The following TRPC4AP variants were observed in gnomAD, a reference collection of about 807,000 sequenced individuals.
TRPC4AP encodes short transient receptor potential channel 4-associated protein.
A neutral mutation model predicts 99.0 loss-of-function variants in TRPC4AP; 45 were observed. That is an observed-to-expected ratio of 0.45 (90% CI 0.36 to 0.58). The LOEUF is 0.58. Among genes scored for constraint, TRPC4AP ranks in the 20% least tolerant of loss-of-function variants. The pLI, the probability that TRPC4AP is intolerant of heterozygous loss-of-function variation, is 0.00. For missense variants in TRPC4AP, 879 were observed against 985.3 expected, an observed-to-expected ratio of 0.89 and a Z score of 1.44; for synonymous variants, 408 against 385.8, an observed-to-expected ratio of 1.06 and a Z score of -0.67.
intron 17 of TRPC4AP, among the ~76,000 whole-genome samples, chr20:35,004,103 G>A (rs1376582174): frequency 1.3e-5 from 2 of 152,214 alleles, no homozygotes; most frequent in Non-Finnish European, 1.5e-5. Context: ...AGAAAAGAGG[G>A]GCAGGAGGCT....
intron 1 of TRPC4AP, 128 bp downstream of exon 1, chr20:35,092,486 G>T: frequency 8.7e-7 from 1 of 1,143,972 alleles, no homozygotes; most frequent in Non-Finnish European, 1.2e-6. Flanking sequence ...CAGCTCACAG[G>T]GAGGCCTTCC....
At chr20:35,068,165 AGTGAAT>A (rs2084194216) in intron 3 of TRPC4AP, among the ~76,000 whole-genome samples, 1 of 152,192 alleles carries the variant, frequency 6.6e-6, no homozygotes, top group Non-Finnish European at 1.5e-5. Context: ...GTAGTGCAAA[AGTGAAT>A]GTATTTTGTG....
At position 35,013,637 on chromosome 20, in the gene TRPC4AP, T is replaced by C. The variant is rs527627969; in HGVS notation, c.1351-571A>G. Among the ~76,000 whole-genome samples the C allele has an allele frequency of 7.9e-5, 12 of 151,968 alleles. 1 individual carries two copies. The South Asian group carries it at 1.9e-3, about 24-fold the overall frequency. ...TGTGGGGAGGAGCGGGGGAAGTCCA[T>C]AGGAGTTAGAAATGAAGAAAGGACC... On this transcript the variant is annotated intron_variant, in intron 10 of 18. Transcript: ENST00000252015.
At chr20:35,037,838 A>G (rs76622792) in intron 7 of TRPC4AP, among the ~76,000 whole-genome samples, 3 of 152,276 alleles carry the variant, frequency 2.0e-5, no homozygotes, top group African/African-American at 7.2e-5. Context: ...TGCCTACTGT[A>G]TTTAGTACAG....
chr20:35,013,121 A>G, intron 10 of TRPC4AP, 55 bp from the exon 11 acceptor site: 2 of 1,567,168 alleles, frequency 1.3e-6, no homozygotes, highest in South Asian at 1.1e-5. Flanking sequence ...GTTCCAAAAT[A>G]ACACAAGCAG....
intron 8 of TRPC4AP, among the ~76,000 whole-genome samples, chr20:35,027,218 G>C (rs1157994922): frequency 6.6e-6 from 1 of 152,152 alleles, no homozygotes; most frequent in African/African-American, 2.4e-5. Context: ...CCTTTAACAG[G>C]CTGAGGAAGT....
At chr20:35,046,071 G>A (rs890737522) in intron 6 of TRPC4AP, among the ~76,000 whole-genome samples, 3 of 152,144 alleles carry the variant, frequency 2.0e-5, no homozygotes, top group Admixed American at 6.5e-5. Flanking sequence ...ACATGTATGT[G>A]ACCATTTATC....
Position 35,044,486 on chromosome 20 carries a change from G to A in TRPC4AP, c.865+19C>T. The A allele has an allele frequency of 6.2e-7, 1 of 1,604,916 alleles. No homozygotes were observed. Among genetic ancestry groups the A allele is most frequent in the Non-Finnish European group, 8.5e-7 (1 of 1,172,746 alleles). On this transcript the variant is annotated intron_variant, in intron 7 of 18. Transcript: ENST00000252015. ...CTCAGAGCTATAATCTCAAAATTCT[G>A]AGAACTTGGAGACTTTACCTTGATT... is the stretch of plus-strand genomic sequence containing the variant.
rs1420675358 is a variant in TRPC4AP, at chr20:35,008,732, A to G, written c.1527T>C (p.Asp509=). The change falls in exon 13 of 19, where the codon GAT becomes GAC. Residue 509 remains aspartate, a synonymous_variant. Transcript: ENST00000252015. ...GACGAGTTAATAAGCCCCTCTTCCC[A>G]TCACACACCAAACTCCTGAAATAGA... ...VLNTDRSLVC[D]GKRGLLTRLL... 4.3e-6 allele frequency: 7 copies of G among 1,613,724 alleles called. No individual in the cohort carries two copies. The highest frequency in any genetic ancestry group is 1.3e-5 in the African/African-American group (1 of 74,874).
chr20:35,089,837 C>A (rs1019450049), intron 1 of TRPC4AP, among the ~76,000 whole-genome samples: 31 of 151,534 alleles, frequency 2.0e-4, no homozygotes, highest in Non-Finnish European at 3.7e-4. Context: ...CAGAGCGAGA[C>A]TCCGTCTAAA....
chr20:35,032,687 TA>T (rs2083229457), intron 8 of TRPC4AP, among the ~76,000 whole-genome samples: 1 of 149,554 alleles, frequency 6.7e-6, no homozygotes, highest in African/African-American at 2.5e-5. Context: ...TTAGCCAGGA[TA>T]GTCTCGATCT....
chr20:35,070,457 C>G (rs1200790527), intron 2 of TRPC4AP, among the ~76,000 whole-genome samples: 1 of 151,892 alleles, frequency 6.6e-6, no homozygotes, highest in Non-Finnish European at 1.5e-5. Context: ...GCCACCCAGG[C>G]TGGAGTGCAG....
chr20:35,019,668 G>GACT (rs1569090979), intron 9 of TRPC4AP, among the ~76,000 whole-genome samples: 2 of 152,156 alleles, frequency 1.3e-5, no homozygotes, highest in Non-Finnish European at 1.5e-5. Flanking sequence ...AAGCAACTGC[G>GACT]AAAGTGCCTC....
At chr20:35,035,580 C>T (rs2083299425) in intron 7 of TRPC4AP, among the ~76,000 whole-genome samples, 1 of 152,104 alleles carries the variant, frequency 6.6e-6, no homozygotes, top group African/African-American at 2.4e-5. Flanking sequence ...TGTCTTTGAG[C>T]CAAGAGGTCA....
At chr20:35,060,469 T>C (rs142630362) in intron 3 of TRPC4AP, among the ~76,000 whole-genome samples, 2 of 151,682 alleles carry the variant, frequency 1.3e-5, no homozygotes, top group South Asian at 2.1e-4. Context: ...CATGCTCCTG[T>C]AGTCCCAGCT....
At chr20:35,043,180 C>T (rs1187478462) in intron 7 of TRPC4AP, among the ~76,000 whole-genome samples, 2 of 152,006 alleles carry the variant, frequency 1.3e-5, no homozygotes, top group South Asian at 2.1e-4. Context: ...ATACACTAAG[C>T]AGTCCAGTGT....
rs761475072 is a variant in TRPC4AP, at chr20:35,013,044, A to C, written c.1373T>G (p.Phe458Cys). The C allele has an allele frequency of 6.2e-7, 1 of 1,614,070 alleles. No homozygotes were observed. The highest frequency in any genetic ancestry group is 8.5e-7 in the Non-Finnish European group (1 of 1,180,012). Residue 458 changes from phenylalanine to cysteine, a missense_variant, in exon 11 of 19, where the codon TTT (phenylalanine) becomes TGT (cysteine). Coordinates refer to ENST00000252015, the MANE Select transcript of TRPC4AP (RefSeq NM_015638.3). ...CSPDITLKIQ[F>C]LRLLQSFSDH... is the part of the protein sequence containing the mutation. The stretch of plus-strand genomic sequence containing the variant: ...ACTGAAGCTCTGAAGAAGCCTCAAA[A>C]ACTGTATCTTCAAGGTGATGTCCTG...
At position 35,077,531 on chromosome 20, in the gene TRPC4AP, T is replaced by C. The variant is rs572464751; in HGVS notation, c.297+515A>G. On this transcript the variant is annotated intron_variant, in intron 2 of 18. Coordinates refer to ENST00000252015, the MANE Select transcript of TRPC4AP (RefSeq NM_015638.3). ...CAGGGGTGGGGCCCAGAACTCTGTG[T>C]TTTAACACGCTCTTCAGGTGATTCA... Among the ~76,000 whole-genome samples the C allele has an allele frequency of 3.3e-5, 5 of 152,284 alleles. No individual in the cohort carries two copies. In the East Asian group the frequency reaches 7.7e-4, roughly 24 times the overall value.
chr20:35,084,542 ATG>A (rs2084757219), intron 1 of TRPC4AP, among the ~76,000 whole-genome samples: 1 of 147,674 alleles, frequency 6.8e-6, no homozygotes, highest in African/African-American at 2.5e-5. Flanking sequence ...ATATATGTAT[ATG>A]TATATATGTT....
Sources: gnomAD v4.1 joint callset for allele counts (sites outside exome capture counted in the v4.1 genomes callset) on GRCh38, gnomAD v4.1.1 for gene constraint, MANE v1.5 for transcripts, NCBI Gene and HGNC (gene_info 2026-07-23, HGNC 2026-07-21) for gene names.